CYP3A5: variants seen among roughly 807,000 people sequenced by gnomAD.
The protein encoded by CYP3A5 is cytochrome P450 3A5.
In CYP3A5, 51 loss-of-function variants were observed where a neutral mutation model predicts 55.9. That is an observed-to-expected ratio of 0.91 (90% CI 0.73 to 1.15). The LOEUF is 1.15. Ranked by LOEUF, CYP3A5 falls within the 50% of genes most tolerant of loss-of-function variation. CYP3A5 has a pLI of 0.00. For synonymous variants in CYP3A5, 196 were observed against 213.9 expected, an observed-to-expected ratio of 0.92 and a Z score of 0.73; for missense variants, 533 against 596.6, an observed-to-expected ratio of 0.89 and a Z score of 1.11.
intron 3 of CYP3A5, 190 bp downstream of exon 3, chr7:99,674,343 C>CG (rs2151450904): frequency 2.1e-6 from 1 of 468,532 alleles, no homozygotes; most frequent in South Asian, 5.2e-5. Context: ...TAGTTTATAA[C>CG]GGCAAGCAGA....
intron 3 of CYP3A5, chr7:99,672,995 G>T (rs558188887): frequency 1.5e-6 from 1 of 660,530 alleles, no homozygotes; most frequent in African/African-American, 1.9e-5. Context: ...TGGTACATAC[G>T]TGGGTATCTC....
At chr7:99,667,193 A>G (rs1811111845) in intron 4 of CYP3A5, 128 bp from the exon 5 acceptor site, 5 of 676,268 alleles carry the variant, frequency 7.4e-6, no homozygotes, top group Non-Finnish European at 1.0e-5. Context: ...ATGGCAAGCC[A>G]TATTCAAGAT....
intron 1 of CYP3A5, among the ~76,000 whole-genome samples, chr7:99,678,397 A>T (rs1812501841): frequency 6.6e-6 from 1 of 152,240 alleles, no homozygotes; most frequent in Non-Finnish European, 1.5e-5. Context: ...ACTGGCTCAC[A>T]GTCTTGCTTA....
chr7:99,677,206 C>T, intron 1 of CYP3A5: 2 of 985,392 alleles, frequency 2.0e-6, no homozygotes, highest in Non-Finnish European at 2.4e-6. Flanking sequence ...CCTTGCAGAC[C>T]TTCCCCCTCC....
intron 10 of CYP3A5, among the ~76,000 whole-genome samples, chr7:99,654,552 G>C (rs562799479): frequency 6.6e-6 from 1 of 152,326 alleles, no homozygotes; most frequent in Admixed American, 6.5e-5. Context: ...AAGTGTGCAT[G>C]TGTGTTTATA....
intron 1 of CYP3A5, chr7:99,676,681 A>C: frequency 4.9e-6 from 3 of 612,814 alleles, no homozygotes. Context: ...CTATGGTGAC[A>C]CTGCCCTTAC....
rs1043616032 is a variant in CYP3A5 at position 99,653,077 on chromosome 7, A to C, written c.1027-298T>G. 1.3e-5 allele frequency among the ~76,000 whole-genome samples: 2 copies of C among 152,222 alleles called. No individual in the cohort carries two copies. Among genetic ancestry groups the C allele is most frequent in the African/African-American group, 4.8e-5 (2 of 41,444 alleles). On this transcript the variant is annotated intron_variant, in intron 10 of 12. Transcript: ENST00000222982. The surrounding 1 kb of genome is among the most constrained non-coding windows in gnomAD (Gnocchi z 4.2). ...CTTTCTCATGGGAAGAAATGTGATT[A>C]ATGGGGCTATGACCATTACCACCAA...
chr7:99,673,386 A>G lies in CYP3A5; in HGVS notation c.219-707T>C, dbSNP rs41301661. Among the ~76,000 whole-genome samples the G allele has an allele frequency of 3.7e-4, 57 of 152,350 alleles. No individual in the cohort carries two copies. The East Asian group carries it at 9.2e-3, about 25-fold the overall frequency. On this transcript the variant is annotated intron_variant, in intron 3 of 12. Coordinates refer to ENST00000222982, the MANE Select transcript of CYP3A5 (RefSeq NM_000777.5). ...CCTCTGACAGGGAACAGCTGCTGCA[A>G]TTGGCTGAGACCACCTTATAAAATC...
At chr7:99,666,927 ATT>A in intron 5 of CYP3A5, 23 bp downstream of exon 5, 6 of 1,610,476 alleles carry the variant, frequency 3.7e-6, no homozygotes, top group Non-Finnish European at 5.1e-6. Flanking sequence ...TACATTTCTA[ATT>A]AAGACTCATC....
intron 4 of CYP3A5, chr7:99,671,909 C>T (rs1468550720): frequency 2.9e-6 from 2 of 699,612 alleles, no homozygotes; most frequent in East Asian, 2.7e-5. Context: ...TTAGAACTAC[C>T]CACACACATA....
At chr7:99,663,175 T>TG (rs1276896811) in intron 8 of CYP3A5, 10 of 1,139,618 alleles carry the variant, frequency 8.8e-6, no homozygotes, top group Non-Finnish European at 1.1e-5. Flanking sequence ...GCCAAAGAGT[T>TG]GCCGGTTCCA....
chr7:99,673,614 C>T (rs1217109918), intron 3 of CYP3A5, among the ~76,000 whole-genome samples: 1 of 152,180 alleles, frequency 6.6e-6, no homozygotes, highest in Non-Finnish European at 1.5e-5. Flanking sequence ...AGTGGTTTCC[C>T]AATCTGTTTC....
chr7:99,649,555 A>G (rs1808962528), intron 12 of CYP3A5, among the ~76,000 whole-genome samples: 2 of 152,186 alleles, frequency 1.3e-5, no homozygotes, highest in Non-Finnish European at 2.9e-5. Context: ...TTCACGTGAG[A>G]ACTAATCAGG....
In CYP3A5 at chr7:99,662,467, G is replaced by C. The variant is rs1248885176; in HGVS notation, c.865+349C>G. Among the ~76,000 whole-genome samples the C allele has an allele frequency of 6.6e-6, 1 of 152,204 alleles. No individual in the cohort carries two copies. Among genetic ancestry groups the C allele is most frequent in the Non-Finnish European group, 1.5e-5 (1 of 68,034 alleles). ...AAAATCACCCTTACTGGGATAGTGTGCTTCCTGATCGGTATGTTTGATATA... is the reference window on the plus strand; with the variant it reads ...AAAATCACCCTTACTGGGATAGTGTCCTTCCTGATCGGTATGTTTGATATA... On this transcript the variant is annotated intron_variant, in intron 9 of 12. Transcript: ENST00000222982. The surrounding 1 kb of genome is among the most constrained non-coding windows in gnomAD (Gnocchi z 4.3).
At chr7:99,658,310 G>A (rs1056554413) in intron 10 of CYP3A5, among the ~76,000 whole-genome samples, 16 of 152,236 alleles carry the variant, frequency 1.1e-4, no homozygotes, top group African/African-American at 3.9e-4. Context: ...TTGCTTGTCT[G>A]TAAAGTATTT....
chr7:99,661,785 C>A (rs1810473794), intron 9 of CYP3A5, among the ~76,000 whole-genome samples: 2 of 152,120 alleles, frequency 1.3e-5, no homozygotes, highest in Non-Finnish European at 2.9e-5. Flanking sequence ...TACATTGAAC[C>A]CCATTATACT....
At chr7:99,654,662 C>A (rs1198014229) in intron 10 of CYP3A5, among the ~76,000 whole-genome samples, 3 of 152,270 alleles carry the variant, frequency 2.0e-5, no homozygotes, top group Non-Finnish European at 4.4e-5. Flanking sequence ...ACCACACTGA[C>A]TTCCACAATG....
Position 99,660,491 on chromosome 7 carries a change from C to T in CYP3A5, c.1026+8G>A, listed in dbSNP as rs1159542733. 7 of 1,606,534 alleles carry T rather than the reference C, an allele frequency of 4.4e-6. No homozygotes were observed. Among genetic ancestry groups the T allele is most frequent in the Non-Finnish European group, 5.1e-6 (6 of 1,176,314 alleles). Reference sequence around the variant, plus strand: ...TCTTCCCTTCATCTCCAGGGGTCATCCCCTCACCTTATTGGGCAAAACTGC... The same window carrying T: ...TCTTCCCTTCATCTCCAGGGGTCATTCCCTCACCTTATTGGGCAAAACTGC... On this transcript the variant is annotated splice_region_variant and intron_variant, in intron 10 of 12. Coordinates refer to ENST00000222982, the MANE Select transcript of CYP3A5 (RefSeq NM_000777.5).
Position 99,662,925 on chromosome 7 carries a change from T to C in CYP3A5, c.799-43A>G. ...GATTTCTTTGGCAGAAAGTGACTCGTGAAGTCAGAAGTAAATCAAAAGTGC... is the reference window on the plus strand; with the variant it reads ...GATTTCTTTGGCAGAAAGTGACTCGCGAAGTCAGAAGTAAATCAAAAGTGC... On this transcript the variant is annotated intron_variant, in intron 8 of 12. Coordinates refer to ENST00000222982, the MANE Select transcript of CYP3A5 (RefSeq NM_000777.5). The surrounding 1 kb of genome is among the most constrained non-coding windows in gnomAD (Gnocchi z 4.3). 1 of 1,610,928 alleles carries C rather than the reference T, an allele frequency of 6.2e-7. No individual in the cohort carries two copies. Among genetic ancestry groups the C allele is most frequent in the Non-Finnish European group, 8.5e-7 (1 of 1,177,958 alleles).
Sources: gnomAD v4.1 joint callset for allele counts (sites outside exome capture counted in the v4.1 genomes callset) on GRCh38, gnomAD v4.1.1 for gene constraint, Gnocchi (gnomAD v3.1) non-coding constraint, MANE v1.5 for transcripts, NCBI Gene and HGNC (gene_info 2026-07-23, HGNC 2026-07-21) for gene names.